The following RBPMS variants were observed in gnomAD, a reference collection of about 807,000 sequenced individuals.
The protein encoded by RBPMS is RNA-binding protein with multiple splicing.
Under a neutral mutation model 26.8 loss-of-function variants are expected in RBPMS, and 7 were observed. That is an observed-to-expected ratio of 0.26 (90% CI 0.15 to 0.49). RBPMS has a LOEUF of 0.49. Among genes scored for constraint, RBPMS ranks in the 20% least tolerant of loss-of-function variants. RBPMS has a pLI of 0.98. For missense variants in RBPMS, 186 were observed against 250.0 expected, an observed-to-expected ratio of 0.74 and a Z score of 1.73; for synonymous variants, 96 against 93.3, an observed-to-expected ratio of 1.03 and a Z score of -0.17.
intron 5 of RBPMS, among the ~76,000 whole-genome samples, chr8:30,520,315 G>A (rs1822891393): frequency 6.6e-6 from 1 of 152,170 alleles, no homozygotes; most frequent in Non-Finnish European, 1.5e-5. Context: ...ATCTCCATTG[G>A]TGATCACTGT....
intron 4 of RBPMS, among the ~76,000 whole-genome samples, chr8:30,492,337 T>C (rs1032006449): frequency 6.6e-6 from 1 of 152,212 alleles, no homozygotes; most frequent in Non-Finnish European, 1.5e-5. Context: ...TAATATGTAT[T>C]AGATGCAAAA....
rs996269859 is a variant in RBPMS, at chr8:30,516,244, G to A, written c.397+11808G>A. Among the ~76,000 whole-genome samples the A allele has an allele frequency of 9.8e-5, 15 of 152,288 alleles. No individual in the cohort carries two copies. In the East Asian group the frequency reaches 2.3e-3, roughly 24 times the overall value. Reference sequence around the variant, plus strand: ...AGAATACAAAAATTAGCCGGCTGTGGTGGAGGGTGGGGCACCTGTAATTCC... The same window carrying A: ...AGAATACAAAAATTAGCCGGCTGTGATGGAGGGTGGGGCACCTGTAATTCC... On this transcript the variant is annotated intron_variant, in intron 5 of 8. Coordinates refer to ENST00000397323, the MANE Select transcript of RBPMS (RefSeq NM_001008710.3).
chr8:30,419,361 G>A (rs750234785), intron 1 of RBPMS, among the ~76,000 whole-genome samples: 2 of 151,988 alleles, frequency 1.3e-5, no homozygotes, highest in African/African-American at 2.4e-5. Context: ...CAGGAGAATC[G>A]CTTGAAACTG....
At chr8:30,519,266 A>G (rs1030912950) in intron 5 of RBPMS, among the ~76,000 whole-genome samples, 7 of 152,160 alleles carry the variant, frequency 4.6e-5, no homozygotes, top group African/African-American at 1.2e-4. Flanking sequence ...AGTATGACCA[A>G]TCCCAAAAAC....
At chr8:30,560,746 C>G (rs1827392604) in intron 7 of RBPMS, among the ~76,000 whole-genome samples, 1 of 152,110 alleles carries the variant, frequency 6.6e-6, no homozygotes, top group Non-Finnish European at 1.5e-5. Context: ...GGAGGGGGCT[C>G]TGGTACACGG....
chr8:30,445,640 A>G (rs1175580313), intron 1 of RBPMS, among the ~76,000 whole-genome samples: 1 of 107,814 alleles, frequency 9.3e-6, no homozygotes, highest in Non-Finnish European at 1.9e-5. Context: ...ATATGTAGAT[A>G]TACACACGGA....
At position 30,448,880 on chromosome 8, in the gene RBPMS, A is replaced by G. The variant is rs116616945; in HGVS notation, c.67-25899A>G. ...TCTATATACTCTTCATTTCTTTTCTATGTCCAGATTATTAAAATATTACGA... is the reference window on the plus strand; with the variant it reads ...TCTATATACTCTTCATTTCTTTTCTGTGTCCAGATTATTAAAATATTACGA... On this transcript the variant is annotated intron_variant, in intron 1 of 8. Coordinates refer to ENST00000397323, the MANE Select transcript of RBPMS (RefSeq NM_001008710.3). 3.1e-3 allele frequency among the ~76,000 whole-genome samples: 466 copies of G among 152,326 alleles called. 1 individual carries two copies. The highest frequency in any genetic ancestry group is 0.01 in the African/African-American group (419 of 41,564).
At chr8:30,433,499 T>C (rs1257336997) in intron 1 of RBPMS, among the ~76,000 whole-genome samples, 2 of 152,144 alleles carry the variant, frequency 1.3e-5, no homozygotes, top group Non-Finnish European at 2.9e-5. Context: ...GGCAAAACCC[T>C]GTCTCTACTA....
intron 4 of RBPMS, among the ~76,000 whole-genome samples, chr8:30,494,395 T>C (rs1237454330): frequency 6.6e-6 from 1 of 152,224 alleles, no homozygotes; most frequent in Non-Finnish European, 1.5e-5. Context: ...CACTGGGCCA[T>C]AGGGATTAGT....
At chr8:30,465,469 C>G (rs919321312) in intron 1 of RBPMS, among the ~76,000 whole-genome samples, 1 of 152,162 alleles carries the variant, frequency 6.6e-6, no homozygotes, top group Non-Finnish European at 1.5e-5. Flanking sequence ...TGAGGAATGG[C>G]CTGAGTTGGA....
At chr8:30,469,740 A>G (rs988079723) in intron 1 of RBPMS, among the ~76,000 whole-genome samples, 1 of 152,274 alleles carries the variant, frequency 6.6e-6, no homozygotes, top group African/African-American at 2.4e-5. Flanking sequence ...GCTCTGGATA[A>G]TGCTTTGACC....
chr8:30,408,705 ACTCT>A (rs1227003064), intron 1 of RBPMS, among the ~76,000 whole-genome samples: 31 of 152,140 alleles, frequency 2.0e-4, no homozygotes, highest in Non-Finnish European at 2.8e-4. Context: ...TTGAGAAATA[ACTCT>A]CTCACCTCTT....
At chr8:30,555,606 C>G (rs1365182275) in intron 6 of RBPMS, among the ~76,000 whole-genome samples, 1 of 152,216 alleles carries the variant, frequency 6.6e-6, no homozygotes, top group Non-Finnish European at 1.5e-5. Context: ...CATACGTTTT[C>G]TGCACATGGC....
intron 4 of RBPMS, among the ~76,000 whole-genome samples, chr8:30,489,763 C>G (rs1819189895): frequency 6.7e-6 from 1 of 148,180 alleles, no homozygotes; most frequent in Non-Finnish European, 1.5e-5. Context: ...TTTCTGTACA[C>G]TGGTGTTTTT....
At chr8:30,523,555 A>C (rs553294240) in intron 5 of RBPMS, among the ~76,000 whole-genome samples, 48 of 150,910 alleles carry the variant, frequency 3.2e-4, no homozygotes, top group African/African-American at 1.1e-3. Context: ...CATTTGAGTA[A>C]GATTCCTCTA....
At chr8:30,500,105 G>T (rs1476754161) in intron 4 of RBPMS, among the ~76,000 whole-genome samples, 1 of 152,080 alleles carries the variant, frequency 6.6e-6, no homozygotes, top group Non-Finnish European at 1.5e-5. Flanking sequence ...CTCTCCTTTT[G>T]TTTTTAATTC....
chr8:30,518,374 T>C (rs1258250536), intron 5 of RBPMS, among the ~76,000 whole-genome samples: 2 of 152,138 alleles, frequency 1.3e-5, no homozygotes, highest in Non-Finnish European at 2.9e-5. Context: ...CTCGAGGTTG[T>C]AGGCAGTTAG....
intron 5 of RBPMS, among the ~76,000 whole-genome samples, chr8:30,524,963 T>A (rs1412978269): frequency 6.6e-6 from 1 of 152,198 alleles, no homozygotes; most frequent in African/African-American, 2.4e-5. Flanking sequence ...ATACCATTTT[T>A]GCTAGCACTT....
chr8:30,458,540 TC>T (rs1166081444), intron 1 of RBPMS, among the ~76,000 whole-genome samples: 1 of 151,986 alleles, frequency 6.6e-6, no homozygotes, highest in Non-Finnish European at 1.5e-5. Context: ...TTAACACTAT[TC>T]TCTACTGAGT....
Sources: gnomAD v4.1 joint callset for allele counts (sites outside exome capture counted in the v4.1 genomes callset) on GRCh38, gnomAD v4.1.1 for gene constraint, MANE v1.5 for transcripts, NCBI Gene and HGNC (gene_info 2026-07-23, HGNC 2026-07-21) for gene names.